Variants in TBC1D5 observed in about 807,000 individuals in gnomAD.
TBC1D5 encodes TBC1 domain family member 5.
In TBC1D5, 75 loss-of-function variants were observed where a neutral mutation model predicts 100.3. The observed-to-expected ratio is 0.75, with a 90% CI of 0.62 to 0.91. The LOEUF (loss-of-function observed/expected upper bound fraction) is 0.91, where lower values mean the gene tolerates loss of function less well. TBC1D5 is among the 40% of genes least tolerant of loss of function. The pLI, the probability that TBC1D5 is intolerant of heterozygous loss-of-function variation, is 0.00. For missense variants in TBC1D5, 910 were observed against 942.4 expected (o/e 0.97, Z 0.45); for synonymous variants, 323 against 325.6 (o/e 0.99, Z 0.09).
intron 16 of TBC1D5, among the ~76,000 whole-genome samples, chr3:17,256,658 T>C (rs1392055953): frequency 6.6e-6 from 1 of 152,164 alleles, no homozygotes; most frequent in Non-Finnish European, 1.5e-5. Flanking sequence ...GCCTTCCCTA[T>C]ACCAGTCATC....
At chr3:17,327,695 AT>A (rs911173450) in intron 13 of TBC1D5, among the ~76,000 whole-genome samples, 5 of 151,486 alleles carry the variant, frequency 3.3e-5, no homozygotes, top group African/African-American at 1.2e-4. Context: ...TTCCCTATTT[AT>A]TTTTTTCCAT....
chr3:17,330,815 C>A (rs1367252144), intron 13 of TBC1D5, among the ~76,000 whole-genome samples: 1 of 152,178 alleles, frequency 6.6e-6, no homozygotes, highest in Non-Finnish European at 1.5e-5. Flanking sequence ...ATGGTGAAAT[C>A]ATTTTATCCT....
At chr3:17,670,263 C>A (rs1475981241) in intron 1 of TBC1D5, among the ~76,000 whole-genome samples, 3 of 152,300 alleles carry the variant, frequency 2.0e-5, no homozygotes, top group Middle Eastern at 3.4e-3. Context: ...TAAAAACAAA[C>A]CTAATGTTCT....
chr3:17,363,358 T>A (rs1042590707), intron 13 of TBC1D5, among the ~76,000 whole-genome samples: 1 of 152,128 alleles, frequency 6.6e-6, no homozygotes, highest in African/African-American at 2.4e-5. Flanking sequence ...TATTGCCTCC[T>A]AAATGATTAT....
At chr3:17,450,932 G>A (rs1028434539) in intron 3 of TBC1D5, among the ~76,000 whole-genome samples, 11 of 152,108 alleles carry the variant, frequency 7.2e-5, no homozygotes, top group African/African-American at 1.4e-4. Flanking sequence ...ACACATAATC[G>A]TCAGATTCAC....
intron 3 of TBC1D5, among the ~76,000 whole-genome samples, chr3:17,438,408 G>A (rs2094576525): frequency 6.6e-6 from 1 of 152,134 alleles, no homozygotes; most frequent in Non-Finnish European, 1.5e-5. Flanking sequence ...GGAAGGACCA[G>A]GTGGAGATTA....
intron 17 of TBC1D5, among the ~76,000 whole-genome samples, chr3:17,237,672 C>G (rs1310909514): frequency 9.9e-5 from 15 of 152,198 alleles, no homozygotes; most frequent in Non-Finnish European, 1.3e-4. Context: ...TTCTCCCTCC[C>G]CACTGCTTAA....
intron 13 of TBC1D5, among the ~76,000 whole-genome samples, chr3:17,345,988 G>A (rs923816448): frequency 4.0e-5 from 6 of 151,782 alleles, no homozygotes; most frequent in Non-Finnish European, 8.8e-5. Context: ...GTTAATGGGT[G>A]CAGCACACCA....
At chr3:17,613,734 T>G (rs1208979011) in intron 2 of TBC1D5, among the ~76,000 whole-genome samples, 1 of 152,194 alleles carries the variant, frequency 6.6e-6, no homozygotes, top group Non-Finnish European at 1.5e-5. Context: ...GATTTGGTTG[T>G]TTGGTTTTCT....
At chr3:17,505,389 A>C (rs1218540565) in intron 3 of TBC1D5, among the ~76,000 whole-genome samples, 2 of 152,122 alleles carry the variant, frequency 1.3e-5, no homozygotes, top group Non-Finnish European at 2.9e-5. Context: ...GAAGCTTCCT[A>C]AGGCCCTCAC....
chr3:17,669,290 A>C (rs1296178175), intron 1 of TBC1D5, among the ~76,000 whole-genome samples: 1 of 152,108 alleles, frequency 6.6e-6, no homozygotes, highest in Non-Finnish European at 1.5e-5. Context: ...ACTAGGAGTA[A>C]ATTAAACCTC....
Position 17,361,229 on chromosome 3 carries a change from AT to A in TBC1D5, c.995+10845del, listed in dbSNP as rs1006163900. Among the ~76,000 whole-genome samples, 46 of 150,374 alleles carry A rather than the reference AT, an allele frequency of 3.1e-4. 1 individual carries two copies. Among genetic ancestry groups the A allele is most frequent in the African/African-American group, 1.1e-3 (45 of 41,108 alleles). On this transcript the variant is annotated intron_variant, in intron 13 of 21. Coordinates refer to ENST00000253692, the Ensembl canonical transcript of TBC1D5. ...ACGAAAGCAAAAGCTGAGTTGCCTA[AT>A]TTTTTTTTTCAACTGTGCCATTTGC...
intron 1 of TBC1D5, among the ~76,000 whole-genome samples, chr3:17,665,473 TA>T (rs560735488): frequency 3.7e-4 from 57 of 152,224 alleles, no homozygotes; most frequent in Non-Finnish European, 7.8e-4. Flanking sequence ...CTTCCTAAAG[TA>T]ATTCTATCAA....
At chr3:17,566,342 A>T (rs2096593620) in intron 2 of TBC1D5, among the ~76,000 whole-genome samples, 1 of 151,966 alleles carries the variant, frequency 6.6e-6, no homozygotes. Context: ...GTAGGGACAA[A>T]CTAAAATACA....
intron 4 of TBC1D5, among the ~76,000 whole-genome samples, chr3:17,410,667 G>T (rs1389653494): frequency 6.6e-6 from 1 of 152,098 alleles, no homozygotes; most frequent in Non-Finnish European, 1.5e-5. Flanking sequence ...GGATGACTTG[G>T]AGGGGTTTCA....
At chr3:17,566,877 G>C (rs938544717) in intron 2 of TBC1D5, among the ~76,000 whole-genome samples, 2 of 151,710 alleles carry the variant, frequency 1.3e-5, no homozygotes, top group African/African-American at 2.4e-5. Context: ...CTAGACACTA[G>C]AGATTGCTCT....
At chr3:17,429,205 T>C (rs544068835) in intron 3 of TBC1D5, among the ~76,000 whole-genome samples, 1 of 152,092 alleles carries the variant, frequency 6.6e-6, no homozygotes, top group Non-Finnish European at 1.5e-5. Flanking sequence ...AAATCACATT[T>C]AGAACAAATT....
chr3:17,488,680 A>T (rs1412234117), intron 3 of TBC1D5, among the ~76,000 whole-genome samples: 1 of 152,160 alleles, frequency 6.6e-6, no homozygotes, highest in Non-Finnish European at 1.5e-5. Context: ...GCAAATATGT[A>T]TATAGTGGTA....
chr3:17,537,759 TA>T (rs1181429516), intron 2 of TBC1D5, among the ~76,000 whole-genome samples: 1 of 152,246 alleles, frequency 6.6e-6, no homozygotes, highest in Admixed American at 6.5e-5. Context: ...TAAGCCTGAA[TA>T]ATATTCCATT....
Sources: allele counts gnomAD v4.1 joint callset (sites outside exome capture counted in the v4.1 genomes callset), GRCh38; gene constraint gnomAD v4.1.1; transcripts MANE v1.5; gene names NCBI Gene and HGNC (gene_info 2026-07-23, HGNC 2026-07-21).